Variants in MAGI2 observed in about 807,000 individuals in gnomAD.
MAGI2 encodes membrane-associated guanylate kinase, WW and PDZ domain-containing protein 2.
A neutral mutation model predicts 133.3 loss-of-function variants in MAGI2; 35 were observed. That is an observed-to-expected ratio of 0.26 (90% CI 0.20 to 0.35). The LOEUF (loss-of-function observed/expected upper bound fraction) is 0.35, where lower values mean the gene tolerates loss of function less well. Among genes scored for constraint, MAGI2 ranks in the 10% least tolerant of loss-of-function variants. The pLI is 1.00. For synonymous variants in MAGI2, 729 were observed against 710.6 expected, an observed-to-expected ratio of 1.03 and a Z score of -0.41; for missense variants, 1,636 against 1,863.4, an observed-to-expected ratio of 0.88 and a Z score of 2.25.
At chr7:78,579,930 C>T (rs1802662428) in intron 3 of MAGI2, among the ~76,000 whole-genome samples, 1 of 152,076 alleles carries the variant, frequency 6.6e-6, no homozygotes, top group East Asian at 1.9e-4. Flanking sequence ...ACCAACTGCT[C>T]GTCTATTGAT....
chr7:79,028,235 G>GTATATATATATATATATA (rs1174096501), intron 1 of MAGI2, among the ~76,000 whole-genome samples: 1 of 29,326 alleles, frequency 3.4e-5, no homozygotes, highest in South Asian at 1.1e-3. Flanking sequence ...ATATATGTAT[G>GTATATATATATATATATA]TATATATATA....
Position 79,367,875 on chromosome 7 carries a change from A to ATG in MAGI2, c.301+85143_301+85144dup, listed in dbSNP as rs1554460616. Among the ~76,000 whole-genome samples the ATG allele has an allele frequency of 4.8e-4, 59 of 122,126 alleles. 4 individuals are homozygous for ATG. The highest frequency in any genetic ancestry group is 1.8e-3 in the African/African-American group (52 of 28,876). The allele number at this position is 122,126 out of a possible 152,430, so 80.1% of individuals were successfully genotyped here. A position where few individuals can be genotyped will look rare whatever the true frequency, so the allele number is the denominator to read the frequency against. On this transcript the variant is annotated intron_variant, in intron 1 of 21. Coordinates refer to ENST00000354212, the MANE Select transcript of MAGI2 (RefSeq NM_012301.4). ...ATATGTGACATATATATATATATAT[A>ATG]TGTCATTGACTGGTCAGTCTTCTTC...
rs992100280 is a variant in MAGI2, at chr7:78,460,538, T to A, written c.1045+29223A>T. On this transcript the variant is annotated intron_variant, in intron 6 of 21. Transcript: ENST00000354212. ...GTATGGCAGATGCACCTGCCAGCAA[T>A]AACTTAGGCACACACTGAGAATGAC... 3.3e-5 allele frequency among the ~76,000 whole-genome samples: 5 copies of A among 152,148 alleles called. No individual in the cohort carries two copies. In the East Asian group the frequency reaches 9.7e-4, roughly 29 times the overall value.
intron 2 of MAGI2, among the ~76,000 whole-genome samples, chr7:78,656,530 G>A (rs1812297074): frequency 6.6e-6 from 1 of 152,116 alleles, no homozygotes; most frequent in Non-Finnish European, 1.5e-5. Flanking sequence ...ACCAGGGGCA[G>A]GGTACTGGGG....
chr7:78,637,926 A>G (rs1173344170), intron 2 of MAGI2, among the ~76,000 whole-genome samples: 2 of 152,102 alleles, frequency 1.3e-5, no homozygotes, highest in East Asian at 1.9e-4. Flanking sequence ...AAAAATTTAA[A>G]AATTAGCTTG....
intron 9 of MAGI2, among the ~76,000 whole-genome samples, chr7:78,278,654 A>C (rs1795273545): frequency 6.6e-6 from 1 of 152,166 alleles, no homozygotes; most frequent in South Asian, 2.1e-4. Flanking sequence ...CTTTAAGTAA[A>C]GGAGATCATC....
chr7:78,773,322 A>G (rs1825734059), intron 2 of MAGI2, among the ~76,000 whole-genome samples: 1 of 152,098 alleles, frequency 6.6e-6, no homozygotes, highest in Non-Finnish European at 1.5e-5. Flanking sequence ...AAGACAGGCC[A>G]GTCCCAAAAA....
At chr7:78,299,804 G>A (rs765902532) in intron 9 of MAGI2, among the ~76,000 whole-genome samples, 23 of 152,054 alleles carry the variant, frequency 1.5e-4, no homozygotes, top group Admixed American at 2.6e-4. Flanking sequence ...TGTTGGATTC[G>A]TCTTATTCTT....
intron 9 of MAGI2, among the ~76,000 whole-genome samples, chr7:78,315,953 T>C (rs988727027): frequency 6.6e-6 from 1 of 152,216 alleles, no homozygotes; most frequent in Non-Finnish European, 1.5e-5. Context: ...CCAAAACATA[T>C]TCTTCCTTTA....
At chr7:79,011,924 C>CCTTCCTTTCTTTCTTT (rs1413880167) in intron 1 of MAGI2, among the ~76,000 whole-genome samples, 173 of 121,282 alleles carry the variant, frequency 1.4e-3, no homozygotes, top group Admixed American at 9.6e-3. Flanking sequence ...TTCCTTCCTT[C>CCTTCCTTTCTTTCTTT]CTTTCTTTCT....
intron 14 of MAGI2, among the ~76,000 whole-genome samples, chr7:78,173,479 A>G (rs1398228143): frequency 1.3e-5 from 2 of 152,218 alleles, no homozygotes; most frequent in Non-Finnish European, 2.9e-5. Flanking sequence ...CCCAAAGCAG[A>G]CAAAGCATGA....
intron 2 of MAGI2, among the ~76,000 whole-genome samples, chr7:78,978,148 T>G (rs970696721): frequency 6.6e-6 from 1 of 151,800 alleles, no homozygotes; most frequent in Non-Finnish European, 1.5e-5. Context: ...TACTATATAA[T>G]TTGGCAATTG....
chr7:78,755,687 C>A (rs932832548), intron 2 of MAGI2, among the ~76,000 whole-genome samples: 6 of 152,138 alleles, frequency 3.9e-5, no homozygotes, highest in Admixed American at 3.9e-4. Context: ...GTTGGTGGAA[C>A]TTGTAACTCC....
intron 2 of MAGI2, among the ~76,000 whole-genome samples, chr7:78,644,491 C>T (rs534290146): frequency 6.6e-6 from 1 of 151,984 alleles, no homozygotes; most frequent in Non-Finnish European, 1.5e-5. Context: ...AATTTAGAAA[C>T]CAATAACAGA....
At chr7:79,340,303 T>C (rs1248337045) in intron 1 of MAGI2, among the ~76,000 whole-genome samples, 3 of 152,134 alleles carry the variant, frequency 2.0e-5, no homozygotes, top group East Asian at 1.9e-4. Flanking sequence ...TATTCTCATG[T>C]CTCCTCTGTG....
rs192450820 is a variant in MAGI2 at position 78,972,224 on chromosome 7, A to T, written c.418+34866T>A. ...GATCACTGATTTAAAAAATGCATGAATTCCTATAACCTGCTAAAATATACT... is the reference window on the plus strand; with the variant it reads ...GATCACTGATTTAAAAAATGCATGATTTCCTATAACCTGCTAAAATATACT... On this transcript the variant is annotated intron_variant, in intron 2 of 21. Transcript: ENST00000354212. Among the ~76,000 whole-genome samples the T allele has an allele frequency of 2.0e-4, 30 of 152,034 alleles. No individual in the cohort carries two copies. The East Asian group carries it at 5.6e-3, about 29-fold the overall frequency.
intron 3 of MAGI2, among the ~76,000 whole-genome samples, chr7:78,535,353 G>T (rs1415914563): frequency 6.6e-6 from 1 of 152,154 alleles, no homozygotes; most frequent in East Asian, 1.9e-4. Context: ...AGAAATAAAA[G>T]GAAGCCCTTA....
chr7:79,302,780 CAGCATG>C (rs1331595035), intron 1 of MAGI2, among the ~76,000 whole-genome samples: 1 of 152,144 alleles, frequency 6.6e-6, no homozygotes, highest in East Asian at 1.9e-4. Context: ...ACAATGGAAG[CAGCATG>C]AGCTTATGAT....
intron 1 of MAGI2, among the ~76,000 whole-genome samples, chr7:79,217,080 G>GA (rs1028397870): frequency 6.6e-6 from 1 of 151,994 alleles, no homozygotes; most frequent in Non-Finnish European, 1.5e-5. Flanking sequence ...CTTGACATTA[G>GA]AAAACATATT....
Sources: allele counts gnomAD v4.1 joint callset (sites outside exome capture counted in the v4.1 genomes callset), GRCh38; gene constraint gnomAD v4.1.1; transcripts MANE v1.5; gene names NCBI Gene and HGNC (gene_info 2026-07-23, HGNC 2026-07-21).